The following FAM98C variants were observed in gnomAD, a reference collection of about 807,000 sequenced individuals.
FAM98C encodes the protein protein FAM98C.
A neutral mutation model predicts 41.1 loss-of-function variants in FAM98C; 38 were observed. The observed-to-expected ratio is 0.92, with a 90% confidence interval of 0.71 to 1.21. The LOEUF (loss-of-function observed/expected upper bound fraction) is 1.21, where lower values mean the gene tolerates loss of function less well. Ranked by LOEUF, FAM98C falls within the 50% of genes most tolerant of loss-of-function variation. FAM98C has a pLI of 0.00. For synonymous variants in FAM98C, 195 were observed against 216.7 expected (o/e 0.90, Z 0.88); for missense variants, 493 against 484.7 (o/e 1.02, Z -0.16).
chr19:38,406,795 T>C, intron 6 of FAM98C, 115 bp from the exon 7 acceptor site: 1 of 1,119,842 alleles, frequency 8.9e-7, no homozygotes, highest in Non-Finnish European at 1.3e-6. Flanking sequence ...AAAATAAATA[T>C]TTATTTGAGC....
At chr19:38,405,477 T>C in intron 5 of FAM98C, 42 bp from the exon 6 acceptor site, 1 of 1,613,938 alleles carries the variant, frequency 6.2e-7, no homozygotes, top group Non-Finnish European at 8.5e-7. Flanking sequence ...GAGGTGGCAG[T>C]GAGAGGGACC....
intron 7 of FAM98C, 42 bp downstream of exon 7, chr19:38,407,119 T>G (rs762417024): frequency 1.3e-6 from 2 of 1,599,720 alleles, no homozygotes; most frequent in South Asian, 2.2e-5. Flanking sequence ...ATCCTTGGCC[T>G]TCAGATTGGC....
At position 38,408,582 on chromosome 19, in the gene FAM98C, A is replaced by T. The variant is rs567504419; in HGVS notation, c.919-169A>T. On this transcript the variant is annotated intron_variant, in intron 7 of 7. Transcript: ENST00000252530. ...TCAAAAAAAAGAAAAGAAAAAAGAA[A>T]GCTCATGCTAGTATCTTCCACCAGT... 3.7e-4 allele frequency: 284 copies of T among 774,982 alleles called. 1 individual carries two copies. In the African/African-American group the frequency reaches 4.5e-3, roughly 12 times the overall value. 48.0% of individuals were successfully genotyped at this position (774,982 alleles called of 1,614,324 possible).
rs755643095 is a variant in FAM98C, at chr19:38,405,650, G to A, written c.750+15G>A. 11 of 1,613,274 alleles carry A rather than the reference G, an allele frequency of 6.8e-6. No homozygotes were observed. The African/African-American group carries it at 1.1e-4, about 16-fold the overall frequency. On this transcript the variant is annotated intron_variant, in intron 6 of 7. Coordinates refer to ENST00000252530, the MANE Select transcript of FAM98C (RefSeq NM_174905.4). ...ACCGGGCAGAGGTGTGGTGGGCAGG[G>A]GACCATGCAGAATTGGAGAGGCCCA... is the stretch of plus-strand genomic sequence containing the variant.
At chr19:38,403,264 C>A in intron 1 of FAM98C, 46 bp downstream of exon 1, 1 of 1,537,232 alleles carries the variant, frequency 6.5e-7, no homozygotes, top group East Asian at 2.6e-5. Flanking sequence ...AAGGCCAGGT[C>A]TGCCCCCTGG....
At chr19:38,408,699 C>A in intron 7 of FAM98C, 52 bp from the exon 8 acceptor site, 2 of 1,613,744 alleles carry the variant, frequency 1.2e-6, no homozygotes, top group East Asian at 2.2e-5. Flanking sequence ...TCTCTGGCCC[C>A]CTTGTCCAAG....
In FAM98C at chr19:38,408,713, C is replaced by CT. The variant is rs761511532; in HGVS notation, c.919-31dup. ...CTCTCTGGCCCCCTTGTCCAAGATA[C>CT]TTTTTTTCTCTGCAACTCAAATCTC... On this transcript the variant is annotated intron_variant, in intron 7 of 7. Transcript: ENST00000252530. 3.1e-6 allele frequency: 5 copies of CT among 1,613,928 alleles called. No homozygotes were observed. The South Asian group carries it at 5.5e-5, about 18-fold the overall frequency.
chr19:38,403,752 CTTT>C (rs1232321840), intron 3 of FAM98C, 58 bp downstream of exon 3: 1 of 1,356,548 alleles, frequency 7.4e-7, no homozygotes, highest in Admixed American at 3.9e-5. Flanking sequence ...CGGGCTCTGA[CTTT>C]TTAGGGGAAA....
Position 38,403,162 on chromosome 19 carries a change from G to A in FAM98C, c.9G>A (p.Ala3=), listed in dbSNP as rs752530256. Residue 3 remains alanine (A), a synonymous_variant, in exon 1 of 8, where the codon GCG becomes GCA. Transcript: ENST00000252530. ...GCCGAGACCACACTTTCATGGAGGC[G>A]GTGAAGGCGGAAGCGTGGGAGGGGG... ME[A]VKAEAWEGAA... 65 of 1,531,658 alleles carry A rather than the reference G, an allele frequency of 4.2e-5. No individual in the cohort carries two copies. The Middle Eastern group carries it at 5.1e-4, about 12-fold the overall frequency. 94.9% of individuals were successfully genotyped at this position (1,531,658 alleles called of 1,614,324 possible). A position where few individuals can be genotyped will look rare whatever the true frequency, so the allele number is the denominator to read the frequency against.
chr19:38,403,518 C>A, intron 2 of FAM98C, 32 bp downstream of exon 2: 1 of 1,425,144 alleles, frequency 7.0e-7, no homozygotes, highest in Non-Finnish European at 9.1e-7. Context: ...GGCAGGGGGG[C>A]CGCCACGGGG....
intron 7 of FAM98C, chr19:38,407,828 C>G (rs1331164318): frequency 1.4e-5 from 2 of 147,248 alleles, no homozygotes; most frequent in Non-Finnish European, 3.0e-5. Context: ...ACTAAAAATA[C>G]AAAAAAAAAA....
intron 6 of FAM98C, chr19:38,405,858 C>CGTTTTT (rs768707631): frequency 4.8e-5 from 23 of 482,756 alleles, no homozygotes; most frequent in African/African-American, 1.4e-4. Flanking sequence ...CATACCCCAT[C>CGTTTTT]ATTTTTTTTT....
intron 6 of FAM98C, chr19:38,406,557 C>T (rs1274869393): frequency 5.2e-6 from 1 of 193,804 alleles, no homozygotes; most frequent in African/African-American, 2.3e-5. Context: ...AAGAGGATCA[C>T]TTGAGCTCAG....
At chr19:38,407,986 TCAAACAAA>T (rs560035665) in intron 7 of FAM98C, 1 of 151,870 alleles carries the variant, frequency 6.6e-6, no homozygotes, top group Non-Finnish European at 1.5e-5. Flanking sequence ...AGACTCTGTC[TCAAACAAA>T]CAAACAAACA....
chr19:38,406,229 T>A, intron 6 of FAM98C: 1 of 152,802 alleles, frequency 6.5e-6, no homozygotes, highest in Non-Finnish European at 1.5e-5. Context: ...TGGTGCGATC[T>A]TGGCTCACCG....
At chr19:38,408,716 T>C in intron 7 of FAM98C, 35 bp from the exon 8 acceptor site, 3 of 1,614,080 alleles carry the variant, frequency 1.9e-6, no homozygotes, top group Admixed American at 1.7e-5. Context: ...CAAGATACTT[T>C]TTTTCTCTGC....
At position 38,405,133 on chromosome 19, in the gene FAM98C, TC is replaced by T; in HGVS notation, c.555+23del. 6.3e-7 allele frequency: 1 copy of T among 1,596,272 alleles called. No homozygotes were observed. Among genetic ancestry groups the T allele is most frequent in the Non-Finnish European group, 8.6e-7 (1 of 1,167,478 alleles). Reference sequence around the variant, plus strand: ...GCTAAGGTAGAGAGTCAGAGTCCCCTCCCGACCTGGGCTACCCCACTTTCCT... The same window carrying T: ...GCTAAGGTAGAGAGTCAGAGTCCCCTCCGACCTGGGCTACCCCACTTTCCT... On this transcript the variant is annotated intron_variant, in intron 4 of 7. Coordinates refer to ENST00000252530, the MANE Select transcript of FAM98C (RefSeq NM_174905.4).
rs545332662 is a variant in FAM98C, at chr19:38,403,565, G to A, written c.220G>A (p.Gly74Ser). The A allele has an allele frequency of 9.4e-6, 14 of 1,496,352 alleles. No individual in the cohort carries two copies. Among genetic ancestry groups the A allele is most frequent in the South Asian group, 2.5e-5 (2 of 79,464 alleles). The allele number at this position is 1,496,352 out of a possible 1,614,324, so 92.7% of individuals were successfully genotyped here. ...TGACACCCCTGTCCTCGCAGGCCCT[G>A]GCGCGGAGGAGGACTTTCTGCGGCA... ...AEVLSAGDGP[G>S]AEEDFLRQLG... The change falls in exon 3 of 8, where the codon GGC becomes AGC. Residue 74 changes from glycine to serine, a missense_variant. Coordinates refer to ENST00000252530, the MANE Select transcript of FAM98C (RefSeq NM_174905.4).
chr19:38,408,873 G>C lies in FAM98C; in HGVS notation c.1041G>C (p.Lys347Asn), dbSNP rs1188704780. 1 of 1,577,346 alleles carries C rather than the reference G, an allele frequency of 6.3e-7. No individual in the cohort carries two copies. Among genetic ancestry groups the C allele is most frequent in the African/African-American group, 1.4e-5 (1 of 72,536 alleles). The change falls in exon 8 of 8, where the codon AAG becomes AAC. Residue 347 changes from lysine (K) to asparagine (N), a missense_variant. Lys to Asn is a moderately conservative substitution (Grantham distance 94, BLOSUM62 0). Coordinates refer to ENST00000252530, the MANE Select transcript of FAM98C (RefSeq NM_174905.4). The part of the protein sequence containing the change: ...GPQCWGRKKK[K>N]KK ...AGTGTTGGGGTCGCAAGAAGAAGAA[G>C]AAGAAGTAAAGGGGGACTGGTGGTC...
Sources: allele counts gnomAD v4.1 joint callset, GRCh38; gene constraint gnomAD v4.1.1; transcripts MANE v1.5; gene names NCBI Gene and HGNC (gene_info 2026-07-23, HGNC 2026-07-21).